Variants in SF3B1 observed in about 807,000 individuals in gnomAD.
SF3B1 encodes the protein pre-mRNA processing 10.
In SF3B1, 12 loss-of-function variants were observed where a neutral mutation model predicts 153.8. The ratio of observed to expected loss-of-function variants is 0.08; its 90% CI spans 0.05 to 0.13. The LOEUF (loss-of-function observed/expected upper bound fraction) is 0.13, where lower values mean the gene tolerates loss of function less well. Ranked by LOEUF, SF3B1 falls within the 10% of genes least tolerant of loss-of-function variation. The pLI, the probability that SF3B1 is intolerant of heterozygous loss-of-function variation, is 1.00. For missense variants in SF3B1, 513 were observed against 1,606.1 expected (o/e 0.32, Z 11.63); for synonymous variants, 498 against 525.2 (o/e 0.95, Z 0.71).
chr2:197,433,144 T>A (rs1239408275), intron 1 of SF3B1, among the ~76,000 whole-genome samples: 2 of 152,282 alleles, frequency 1.3e-5, no homozygotes, highest in Non-Finnish European at 2.9e-5. Context: ...CAACAAGCTA[T>A]GTCAGTATTA....
At chr2:197,410,089 G>A (rs1020328851) in intron 6 of SF3B1, 82 bp from the exon 7 acceptor site, 222 of 984,280 alleles carry the variant, frequency 2.3e-4, no homozygotes, top group Non-Finnish European at 3.2e-4. Flanking sequence ...AACTTTAAAC[G>A]AAAAATGTTT....
rs1324077648 is a variant in SF3B1, at chr2:197,408,061, A to G, written c.1176T>C (p.Ile392=). The G allele has an allele frequency of 2.5e-6, 4 of 1,613,756 alleles. No homozygotes were observed. The Admixed American group carries it at 6.7e-5, about 27-fold the overall frequency. The change falls in exon 9 of 25, where the codon ATT becomes ATC. Residue 392 remains isoleucine, a synonymous_variant. Coordinates refer to ENST00000335508, the MANE Select transcript of SF3B1 (RefSeq NM_012433.4). ...QLQAWRWERE[I]DERNRPLSDE... The stretch of plus-strand genomic sequence containing the variant: ...CAGAAAGTGGGCGATTTCTCTCATC[A>G]ATTTCTCTTTCCCACCGCCAAGCCT...
chr2:197,398,825 CAA>C, intron 20 of SF3B1: 1 of 508,394 alleles, frequency 2.0e-6, no homozygotes, highest in East Asian at 4.0e-5. Flanking sequence ...TACTCAATAA[CAA>C]AAAAGTTTTG....
At chr2:197,408,719 T>C (rs1449325331) in intron 7 of SF3B1, 138 bp from the exon 8 acceptor site, 9 of 656,742 alleles carry the variant, frequency 1.4e-5, no homozygotes, top group Non-Finnish European at 2.1e-5. Flanking sequence ...TTAAAGTTGT[T>C]TGAGACCAGC....
rs760884237 is a variant in SF3B1 at position 197,423,895 on chromosome 2, T to C, written c.108A>G (p.Thr36=). 3 of 1,612,900 alleles carry C rather than the reference T, an allele frequency of 1.9e-6. No homozygotes were observed. Among genetic ancestry groups the C allele is most frequent in the Admixed American group, 3.3e-5 (2 of 59,718 alleles). The change falls in exon 2 of 25, where the codon ACA becomes ACG. Residue 36 remains threonine (T), a synonymous_variant. Transcript: ENST00000335508. ...CATAAATTTCCTGGTCATAATAACC[T>C]GTAGAATCGAGGCCCACTCCTTGAG... ...DEAQGVGLDS[T]GYYDQEIYGG... is the part of the protein sequence containing the mutation.
At chr2:197,412,424 C>T (rs2085083525) in intron 6 of SF3B1, among the ~76,000 whole-genome samples, 3 of 151,662 alleles carry the variant, frequency 2.0e-5, no homozygotes, top group South Asian at 4.2e-4. Context: ...GGCGCAGTCT[C>T]GGCTCCCTGC....
intron 4 of SF3B1, chr2:197,419,458 T>C (rs2085206880): frequency 4.6e-6 from 1 of 218,818 alleles, no homozygotes; most frequent in East Asian, 6.8e-5. Flanking sequence ...CATCACAATT[T>C]AGGAAAAAAT....
intron 8 of SF3B1, 39 bp from the exon 9 acceptor site, chr2:197,408,158 A>G (rs756220567): frequency 1.3e-6 from 2 of 1,538,876 alleles, no homozygotes; most frequent in African/African-American, 2.7e-5. Flanking sequence ...TCTATAGTAC[A>G]AGACTGTATT....
intron 4 of SF3B1, chr2:197,419,379 T>G: frequency 4.2e-6 from 1 of 237,768 alleles, no homozygotes; most frequent in Non-Finnish European, 8.3e-6. Context: ...GCCCAAACAG[T>G]ATATAACAAG....
intron 23 of SF3B1, among the ~76,000 whole-genome samples, chr2:197,395,123 ACTT>A (rs1253938153): frequency 6.6e-6 from 1 of 152,212 alleles, no homozygotes; most frequent in Non-Finnish European, 1.5e-5. Flanking sequence ...TACTCCCTTA[ACTT>A]CTTAGTACAC....
intron 7 of SF3B1, among the ~76,000 whole-genome samples, chr2:197,408,877 C>G (rs1013761982): frequency 6.6e-6 from 1 of 151,928 alleles, no homozygotes; most frequent in African/African-American, 2.4e-5. Context: ...CAGCCGAGAG[C>G]GCACCACTGC....
chr2:197,396,442 TAATTTTATAA>T, intron 22 of SF3B1, 114 bp from the exon 23 acceptor site: 1 of 803,224 alleles, frequency 1.2e-6, no homozygotes, highest in South Asian at 2.1e-5. Flanking sequence ...GGGAACTCAG[TAATTTTATAA>T]AATGCAATAC....
intron 20 of SF3B1, 102 bp from the exon 21 acceptor site, chr2:197,398,683 CT>C: frequency 9.3e-7 from 1 of 1,076,548 alleles, no homozygotes; most frequent in Non-Finnish European, 1.3e-6. Context: ...TAAATATAAA[CT>C]TACAGCTGCC....
Position 197,400,597 on chromosome 2 carries a change from G to A in SF3B1, c.2718+118C>T, listed in dbSNP as rs2084928139. The A allele has an allele frequency of 2.9e-6, 3 of 1,020,042 alleles. No individual in the cohort carries two copies. The highest frequency in any genetic ancestry group is 3.3e-5 in the African/African-American group (2 of 61,460). 63.2% of individuals were successfully genotyped at this position (1,020,042 alleles called of 1,614,324 possible). ...GAATAATATCGTTTGGTAACCCCCT[G>A]AGCATTTTAAAAATTACTTCAAATT... On this transcript the variant is annotated intron_variant, in intron 18 of 24. Coordinates refer to ENST00000335508, the MANE Select transcript of SF3B1 (RefSeq NM_012433.4). The surrounding 1 kb of genome is among the most constrained non-coding windows in gnomAD (Gnocchi z 5.0).
At chr2:197,419,067 C>A in intron 4 of SF3B1, 1 of 764,754 alleles carries the variant, frequency 1.3e-6, no homozygotes, top group Non-Finnish European at 2.2e-6. Context: ...TAGATAAGTT[C>A]TTCATACAGT....
intron 1 of SF3B1, 53 bp downstream of exon 1, chr2:197,434,918 GC>G (rs1191856905): frequency 1.9e-6 from 3 of 1,564,308 alleles, no homozygotes; most frequent in Non-Finnish European, 2.6e-6. Context: ...AGGAAAAAAG[GC>G]TTTTATTAGG....
At chr2:197,393,661 C>T (rs1282617909) in intron 23 of SF3B1, among the ~76,000 whole-genome samples, 1 of 151,878 alleles carries the variant, frequency 6.6e-6, no homozygotes, top group Admixed American at 6.6e-5. Context: ...CCATGTTGGC[C>T]AGGATGGTCT....
intron 6 of SF3B1, among the ~76,000 whole-genome samples, chr2:197,416,152 G>A (rs925209096): frequency 6.6e-6 from 1 of 151,764 alleles, no homozygotes. Context: ...AAAAAGGTAG[G>A]AGAGTAGACT....
chr2:197,430,758 C>T (rs1420364462), intron 1 of SF3B1, among the ~76,000 whole-genome samples: 1 of 151,940 alleles, frequency 6.6e-6, no homozygotes, highest in Non-Finnish European at 1.5e-5. Flanking sequence ...CCAGCCTACC[C>T]TAGTGTTATT....
Sources: gnomAD v4.1 joint callset for allele counts (sites outside exome capture counted in the v4.1 genomes callset) on GRCh38, gnomAD v4.1.1 for gene constraint, Gnocchi (gnomAD v3.1) non-coding constraint, MANE v1.5 for transcripts, NCBI Gene and HGNC (gene_info 2026-07-23, HGNC 2026-07-21) for gene names.